RBFOX1: variants seen among roughly 807,000 people sequenced by gnomAD.
RBFOX1 encodes RNA binding protein fox-1 homolog 1.
In RBFOX1, 8 loss-of-function variants were observed where a neutral mutation model predicts 57.7. The ratio of observed to expected loss-of-function variants is 0.14; its 90% CI spans 0.08 to 0.25. The LOEUF (loss-of-function observed/expected upper bound fraction) is 0.25. Among genes scored for constraint, RBFOX1 ranks in the 10% least tolerant of loss-of-function variants. The pLI is 1.00. For synonymous variants in RBFOX1, 326 were observed against 222.4 expected (o/e 1.47, Z -4.15); for missense variants, 611 against 548.5 (o/e 1.11, Z -1.14).
chr16:5,399,122 G>A (rs2066644186), intron 1 of RBFOX1, among the ~76,000 whole-genome samples: 1 of 152,164 alleles, frequency 6.6e-6, no homozygotes, highest in African/African-American at 2.4e-5. Flanking sequence ...AGGACTAATA[G>A]GTATGTGTGT....
chr16:6,887,987 T>C lies in RBFOX1; in HGVS notation c.-15-164070T>C, dbSNP rs147042951. 6.7e-3 allele frequency among the ~76,000 whole-genome samples: 1,025 copies of C among 152,116 alleles called. 10 individuals are homozygous for C. The highest frequency in any genetic ancestry group is 0.023 in the African/African-American group (971 of 41,518). On this transcript the variant is annotated intron_variant, in intron 3 of 15. Transcript: ENST00000550418. Reference sequence around the variant, plus strand: ...CATCCTCATCATTTTTATTACTGCATCTTATTCTGTTTGGGGTTTTTGTTT... The same window carrying C: ...CATCCTCATCATTTTTATTACTGCACCTTATTCTGTTTGGGGTTTTTGTTT...
chr16:7,077,697 C>A (rs1167846518), intron 4 of RBFOX1, among the ~76,000 whole-genome samples: 1 of 152,114 alleles, frequency 6.6e-6, no homozygotes, highest in Non-Finnish European at 1.5e-5. Flanking sequence ...TTATATCTGT[C>A]GGGTTGATAG....
chr16:5,328,270 C>G (rs2064642657), intron 1 of RBFOX1, among the ~76,000 whole-genome samples: 1 of 152,040 alleles, frequency 6.6e-6, no homozygotes, highest in African/African-American at 2.4e-5. Context: ...ATCTGATCAG[C>G]GTTTTTATAA....
At chr16:6,747,768 GA>G (rs1477896770) in intron 3 of RBFOX1, among the ~76,000 whole-genome samples, 1 of 152,060 alleles carries the variant, frequency 6.6e-6, no homozygotes, top group Admixed American at 6.6e-5. Flanking sequence ...AGATTCCTGG[GA>G]GTTGTCAATC....
intron 1 of RBFOX1, among the ~76,000 whole-genome samples, chr16:6,125,867 A>C (rs954532614): frequency 2.6e-5 from 4 of 152,096 alleles, no homozygotes; most frequent in African/African-American, 9.7e-5. Context: ...ACTGCCGGGG[A>C]GAGATTTTCT....
intron 3 of RBFOX1, among the ~76,000 whole-genome samples, chr16:6,672,096 G>T (rs142919953): frequency 2.0e-5 from 3 of 152,208 alleles, no homozygotes; most frequent in South Asian, 2.1e-4. Context: ...TTCAAAGACC[G>T]TAGGTCCATC....
chr16:6,843,200 G>A lies in RBFOX1; in HGVS notation c.-16+188550G>A, dbSNP rs115466586. 5.4e-3 allele frequency among the ~76,000 whole-genome samples: 824 copies of A among 152,174 alleles called. 10 individuals are homozygous for A. The highest frequency in any genetic ancestry group is 0.018 in the African/African-American group (755 of 41,524). On this transcript the variant is annotated intron_variant, in intron 3 of 15. Coordinates refer to ENST00000550418, the MANE Select transcript of RBFOX1 (RefSeq NM_018723.4). ...TTCTATTAGAGTGGATGTCTCTTGG[G>A]TTTAAAGAATGGGTGAAAATCTCTT... is the stretch of plus-strand genomic sequence containing the variant.
At chr16:5,612,534 G>T (rs2047862730) in intron 3 of RBFOX1, among the ~76,000 whole-genome samples, 1 of 152,216 alleles carries the variant, frequency 6.6e-6, no homozygotes, top group Non-Finnish European at 1.5e-5. Flanking sequence ...GTAGATAATG[G>T]CTCTGAGAAA....
chr16:5,757,100 C>A (rs920488199), intron 3 of RBFOX1, among the ~76,000 whole-genome samples: 1 of 152,130 alleles, frequency 6.6e-6, no homozygotes, highest in Non-Finnish European at 1.5e-5. Flanking sequence ...AAATTAAGAA[C>A]CAAGTTGACT....
At chr16:6,816,096 T>G (rs1200245104) in intron 3 of RBFOX1, among the ~76,000 whole-genome samples, 2 of 151,966 alleles carry the variant, frequency 1.3e-5, no homozygotes, top group Non-Finnish European at 1.5e-5. Context: ...TTGCTTGAGC[T>G]GAGGAGTTCG....
chr16:6,445,749 AT>A (rs1298711714), intron 2 of RBFOX1, among the ~76,000 whole-genome samples: 2 of 151,750 alleles, frequency 1.3e-5, no homozygotes, highest in African/African-American at 2.4e-5. Context: ...TGCCCAGTTA[AT>A]TTTTGTATTT....
chr16:5,694,743 C>G (rs965636559), intron 3 of RBFOX1, among the ~76,000 whole-genome samples: 1 of 151,768 alleles, frequency 6.6e-6, no homozygotes, highest in Non-Finnish European at 1.5e-5. Flanking sequence ...ACCCCACTAT[C>G]ATCACACCAT....
intron 11 of RBFOX1, among the ~76,000 whole-genome samples, chr16:7,636,348 C>A (rs1284280798): frequency 6.6e-6 from 1 of 152,188 alleles, no homozygotes; most frequent in Non-Finnish European, 1.5e-5. Context: ...TGATCACCGT[C>A]TTTCACATTT....
chr16:7,531,131 T>A (rs560847004), intron 5 of RBFOX1, among the ~76,000 whole-genome samples: 1 of 152,264 alleles, frequency 6.6e-6, no homozygotes, highest in South Asian at 2.1e-4. Flanking sequence ...GCAATTTTCT[T>A]GTAAAAATAA....
At chr16:6,904,267 C>T (rs1006142598) in intron 3 of RBFOX1, among the ~76,000 whole-genome samples, 2 of 152,074 alleles carry the variant, frequency 1.3e-5, no homozygotes, top group Admixed American at 1.3e-4. Context: ...TGTTGTTGAA[C>T]CTGTTCTCTG....
At chr16:5,848,970 AC>A (rs1030142137) in intron 3 of RBFOX1, among the ~76,000 whole-genome samples, 6 of 138,116 alleles carry the variant, frequency 4.3e-5, no homozygotes, top group East Asian at 2.2e-4. Flanking sequence ...AAACAAAAAA[AC>A]AACAACAAAA....
intron 3 of RBFOX1, among the ~76,000 whole-genome samples, chr16:6,964,655 G>T (rs114135008): frequency 6.6e-6 from 1 of 152,144 alleles, no homozygotes; most frequent in African/African-American, 2.4e-5. Flanking sequence ...AATACATTTT[G>T]ACAAACTCAT....
At chr16:7,007,142 A>C (rs1262952883) in intron 3 of RBFOX1, among the ~76,000 whole-genome samples, 1 of 152,180 alleles carries the variant, frequency 6.6e-6, no homozygotes, top group Admixed American at 6.5e-5. Flanking sequence ...TCCATTTTCA[A>C]ACTCCTTCAG....
intron 1 of RBFOX1, among the ~76,000 whole-genome samples, chr16:6,101,378 G>A (rs2096306049): frequency 6.6e-6 from 1 of 152,198 alleles, no homozygotes; most frequent in Admixed American, 6.5e-5. Context: ...CAAGTCGTTA[G>A]CATCCATGTG....
Sources: gnomAD v4.1 joint callset for allele counts (sites outside exome capture counted in the v4.1 genomes callset) on GRCh38, gnomAD v4.1.1 for gene constraint, MANE v1.5 for transcripts, NCBI Gene and HGNC (gene_info 2026-07-23, HGNC 2026-07-21) for gene names.